CLK4: variants seen among roughly 807,000 people sequenced by gnomAD.
CLK4 encodes dual specificity protein kinase CLK4.
A neutral mutation model predicts 64.4 loss-of-function variants in CLK4; 37 were observed. That is an observed-to-expected ratio of 0.57 (90% CI 0.44 to 0.76). CLK4 has a LOEUF of 0.76. Ranked by LOEUF, CLK4 falls within the 30% of genes least tolerant of loss-of-function variation. The pLI, the probability that CLK4 is intolerant of heterozygous loss-of-function variation, is 0.00. For missense variants in CLK4, 457 were observed against 605.1 expected (o/e 0.76, Z 2.57); for synonymous variants, 175 against 191.6 (o/e 0.91, Z 0.72).
At chr5:178,619,231 A>C (rs530132371) in intron 2 of CLK4, among the ~76,000 whole-genome samples, 2 of 152,360 alleles carry the variant, frequency 1.3e-5, no homozygotes, top group Non-Finnish European at 2.9e-5. Flanking sequence ...AAGGAGCCTT[A>C]AATGTATTCC....
chr5:178,619,831 T>C, intron 2 of CLK4: 15 of 1,284,030 alleles, frequency 1.2e-5, no homozygotes, highest in Non-Finnish European at 1.5e-5. Flanking sequence ...CCCGTCCCCC[T>C]CTCTACCTGG....
Position 178,613,817 on chromosome 5 carries a change from A to AT in CLK4, c.568dup (p.Ile190AsnfsTer10), listed in dbSNP as rs775677152. 1.2e-6 allele frequency: 2 copies of AT among 1,613,878 alleles called. No homozygotes were observed. Among genetic ancestry groups the AT allele is most frequent in the South Asian group, 2.2e-5 (2 of 91,072 alleles). ...ACGGTAACGGCCTACATTTTTTACG[A>AT]TTTTCACTGCTACATGCATGCCATC... is the stretch of plus-strand genomic sequence containing the variant. On this transcript the variant is annotated frameshift_variant, in exon 6 of 13. Transcript: ENST00000316308. LOFTEE classifies it high-confidence loss of function.
intron 1 of CLK4, among the ~76,000 whole-genome samples, chr5:178,626,103 C>G (rs530317429): frequency 2.0e-5 from 3 of 152,226 alleles, no homozygotes; most frequent in African/African-American, 7.2e-5. Flanking sequence ...TTAAAAACAT[C>G]GAAACAGGTT....
chr5:178,606,441 C>A (rs1034040351), intron 10 of CLK4, among the ~76,000 whole-genome samples: 1 of 152,062 alleles, frequency 6.6e-6, no homozygotes, highest in Admixed American at 6.6e-5. Context: ...AGAAATCTGG[C>A]GAGGTGCCCC....
intron 2 of CLK4, among the ~76,000 whole-genome samples, chr5:178,621,475 C>A (rs935064493): frequency 6.6e-6 from 1 of 152,030 alleles, no homozygotes; most frequent in Non-Finnish European, 1.5e-5. Context: ...ATATATATGA[C>A]AAATGGTTAA....
Position 178,617,234 on chromosome 5 carries a change from A to G in CLK4, c.475+110T>C. On this transcript the variant is annotated intron_variant, in intron 4 of 12. Coordinates refer to ENST00000316308, the MANE Select transcript of CLK4 (RefSeq NM_020666.3). This position sits in a 1 kb window ranked among gnomAD's most constrained non-coding sequence, Gnocchi z 5.2. Reference sequence around the variant, plus strand: ...ATAAAAGAACAAACAAACCCACAAAAAGCAAAATAAAAAAGCAATGAAGAG... The same window carrying G: ...ATAAAAGAACAAACAAACCCACAAAGAGCAAAATAAAAAAGCAATGAAGAG... 1.2e-6 allele frequency: 1 copy of G among 829,598 alleles called. No homozygotes were observed. The highest frequency in any genetic ancestry group is 2.0e-6 in the Non-Finnish European group (1 of 508,724). The allele number at this position is 829,598 out of a possible 1,614,324, so 51.4% of individuals were successfully genotyped here. A position where few individuals can be genotyped will look rare whatever the true frequency, so the allele number is the denominator to read the frequency against.
intron 9 of CLK4, among the ~76,000 whole-genome samples, chr5:178,611,101 T>G (rs1186509925): frequency 6.6e-6 from 1 of 151,710 alleles, no homozygotes; most frequent in Non-Finnish European, 1.5e-5. Context: ...GGGGTTACTA[T>G]ATACTATATT....
At chr5:178,623,646 T>C (rs535367998) in intron 1 of CLK4, among the ~76,000 whole-genome samples, 23 of 152,086 alleles carry the variant, frequency 1.5e-4, no homozygotes, top group Middle Eastern at 3.4e-3. Flanking sequence ...AAGACATTTT[T>C]TTTTTTTGAA....
At position 178,617,703 on chromosome 5, in the gene CLK4, C is replaced by T; in HGVS notation, c.385-269G>A. ...ATAGAAAAAAACAACACAATTGTCT[C>T]TTTAAAATACTGATTTAATTGAAGT... On this transcript the variant is annotated intron_variant, in intron 3 of 12. Coordinates refer to ENST00000316308, the MANE Select transcript of CLK4 (RefSeq NM_020666.3). The surrounding 1 kb of genome is among the most constrained non-coding windows in gnomAD (Gnocchi z 5.2). The T allele has an allele frequency of 4.0e-6, 1 of 249,464 alleles. No homozygotes were observed. The allele number at this position is 249,464 out of a possible 1,614,324, so 15.5% of individuals were successfully genotyped here.
At position 178,617,058 on chromosome 5, in the gene CLK4, A is replaced by G. The variant is rs1350928269; in HGVS notation, c.476-110T>C. 3.8e-6 allele frequency: 3 copies of G among 779,996 alleles called. No individual in the cohort carries two copies. The highest frequency in any genetic ancestry group is 2.5e-5 in the Admixed American group (1 of 40,376). The allele number at this position is 779,996 out of a possible 1,614,324, so 48.3% of individuals were successfully genotyped here. A position where few individuals can be genotyped will look rare whatever the true frequency, so the allele number is the denominator to read the frequency against. ...ATTTTCAAATGATCTCTAACAAAGCATAACTAAGGTTTCAGCACTCAAATT... is the reference window on the plus strand; with the variant it reads ...ATTTTCAAATGATCTCTAACAAAGCGTAACTAAGGTTTCAGCACTCAAATT... On this transcript the variant is annotated intron_variant, in intron 4 of 12. Coordinates refer to ENST00000316308, the MANE Select transcript of CLK4 (RefSeq NM_020666.3). This position sits in a 1 kb window ranked among gnomAD's most constrained non-coding sequence, Gnocchi z 5.2.
chr5:178,617,280 A>C lies in CLK4; in HGVS notation c.475+64T>G. Reference sequence around the variant, plus strand: ...AAGAGTTCTTTAGCCCCCCGCTGACAAACTATTCTTAAAAAGATTATTCTT... The same window carrying C: ...AAGAGTTCTTTAGCCCCCCGCTGACCAACTATTCTTAAAAAGATTATTCTT... On this transcript the variant is annotated intron_variant, in intron 4 of 12. Transcript: ENST00000316308. This position sits in a 1 kb window ranked among gnomAD's most constrained non-coding sequence, Gnocchi z 5.2. 1 of 1,360,654 alleles carries C rather than the reference A, an allele frequency of 7.3e-7. No homozygotes were observed. Among genetic ancestry groups the C allele is most frequent in the Non-Finnish European group, 1.1e-6 (1 of 950,592 alleles). The allele number at this position is 1,360,654 out of a possible 1,614,324, so 84.3% of individuals were successfully genotyped here.
rs907674970 is a variant in CLK4, at chr5:178,617,823, T to C, written c.385-389A>G. On this transcript the variant is annotated intron_variant, in intron 3 of 12. Coordinates refer to ENST00000316308, the MANE Select transcript of CLK4 (RefSeq NM_020666.3). This position sits in a 1 kb window ranked among gnomAD's most constrained non-coding sequence, Gnocchi z 5.2. Reference sequence around the variant, plus strand: ...AGATGTCTAGTTTTTCAGAAAAATGTTTTAAAATGTCAAGACTATTTGAAA... The same window carrying C: ...AGATGTCTAGTTTTTCAGAAAAATGCTTTAAAATGTCAAGACTATTTGAAA... 1.3e-5 allele frequency: 2 copies of C among 154,288 alleles called. No individual in the cohort carries two copies. Among genetic ancestry groups the C allele is most frequent in the Non-Finnish European group, 2.9e-5 (2 of 69,520 alleles). 9.6% of individuals were successfully genotyped at this position (154,288 alleles called of 1,614,324 possible).
intron 1 of CLK4, among the ~76,000 whole-genome samples, chr5:178,625,600 C>A (rs1436805557): frequency 6.6e-6 from 1 of 152,090 alleles, no homozygotes; most frequent in African/African-American, 2.4e-5. Context: ...TATGACCCTC[C>A]ATTACTATGA....
chr5:178,608,657 G>C (rs1764500543), intron 9 of CLK4, among the ~76,000 whole-genome samples, 199 bp from the exon 10 acceptor site: 1 of 152,172 alleles, frequency 6.6e-6, no homozygotes, highest in South Asian at 2.1e-4. Flanking sequence ...TCAAGACACA[G>C]TATTCTAACT....
At chr5:178,612,715 G>A (rs553798661) in intron 8 of CLK4, 81 bp downstream of exon 8, 7 of 1,075,892 alleles carry the variant, frequency 6.5e-6, no homozygotes, top group South Asian at 1.5e-5. Flanking sequence ...AGGCTCAGAA[G>A]TGAAATTCCT....
intron 1 of CLK4, among the ~76,000 whole-genome samples, chr5:178,626,029 T>C (rs1210594740): frequency 3.9e-5 from 6 of 152,216 alleles, no homozygotes; most frequent in South Asian, 2.1e-4. Context: ...ATCTCATATG[T>C]AGATCCATCG....
chr5:178,605,931 CT>C (rs1764461273), intron 10 of CLK4: 1 of 152,204 alleles, frequency 6.6e-6, no homozygotes, highest in South Asian at 2.1e-4. Flanking sequence ...ATTGCATACT[CT>C]TCTTCTTTTT....
chr5:178,624,463 AG>A (rs1188898811), intron 1 of CLK4, among the ~76,000 whole-genome samples: 3 of 152,206 alleles, frequency 2.0e-5, no homozygotes, highest in Non-Finnish European at 4.4e-5. Flanking sequence ...TGCACACTGA[AG>A]CATGGTCACA....
At chr5:178,619,865 T>A in intron 2 of CLK4, 1 of 1,141,554 alleles carries the variant, frequency 8.8e-7, no homozygotes, top group Non-Finnish European at 1.2e-6. Context: ...TTCAACAGAG[T>A]GCGAAGCTTC....
Sources: gnomAD v4.1 joint callset for allele counts (sites outside exome capture counted in the v4.1 genomes callset) on GRCh38, gnomAD v4.1.1 for gene constraint, Gnocchi (gnomAD v3.1) non-coding constraint, MANE v1.5 for transcripts, NCBI Gene and HGNC (gene_info 2026-07-23, HGNC 2026-07-21) for gene names.